LTBP2: variants seen among roughly 807,000 people sequenced by gnomAD.
The protein encoded by LTBP2 is latent transforming growth factor beta binding protein 2.
Under a neutral mutation model 210.6 loss-of-function variants are expected in LTBP2, and 103 were observed. That is an observed-to-expected ratio of 0.49 (90% CI 0.42 to 0.58). The LOEUF is 0.58. Among genes scored for constraint, LTBP2 ranks in the 20% least tolerant of loss-of-function variants. The probability of loss-of-function intolerance (pLI) is 0.00; values close to 1 mark genes in which losing one functional copy is unlikely to be tolerated. For missense variants in LTBP2, 2,313 were observed against 2,494.5 expected (o/e 0.93, Z 1.55); for synonymous variants, 1,007 against 1,015.0 (o/e 0.99, Z 0.15).
Position 74,611,746 on chromosome 14 carries a change from T to C in LTBP2, c.199A>G (p.Lys67Glu). The change falls in exon 1 of 36, where the codon AAG becomes GAG. Residue 67 changes from lysine (K) to glutamate (E), a missense_variant. By Grantham distance (56) the Lys-to-Glu change is moderately conservative. Transcript: ENST00000261978. ...GGSYPAAAAA[K>E]VYSLFREQDA... ...TGCTCCCGGAACAGACTGTACACCT[T>C]GGCTGCAGCCGCTGCCGGGTAGCTG... 1.2e-6 allele frequency: 2 copies of C among 1,605,690 alleles called. No individual in the cohort carries two copies. Among genetic ancestry groups the C allele is most frequent in the Non-Finnish European group, 1.7e-6 (2 of 1,179,104 alleles).
At chr14:74,572,369 G>T (rs1444874349) in intron 3 of LTBP2, among the ~76,000 whole-genome samples, 1 of 151,818 alleles carries the variant, frequency 6.6e-6, no homozygotes, top group African/African-American at 2.4e-5. Flanking sequence ...GCCATGACAG[G>T]GGGAGGAGGA....
At chr14:74,538,309 G>A (rs1209657900) in intron 8 of LTBP2, among the ~76,000 whole-genome samples, 1 of 151,952 alleles carries the variant, frequency 6.6e-6, no homozygotes, top group Non-Finnish European at 1.5e-5. Context: ...TTGGATCCTG[G>A]GGTACTTGGG....
intron 9 of LTBP2, 55 bp downstream of exon 9, chr14:74,535,871 T>A: frequency 6.7e-7 from 1 of 1,488,564 alleles, no homozygotes; most frequent in Non-Finnish European, 9.4e-7. Context: ...TCCTGTCTGG[T>A]GCTGGGAGTG....
intron 1 of LTBP2, 26 bp downstream of exon 1, chr14:74,611,425 T>A (rs2088605961): frequency 4.1e-6 from 6 of 1,470,072 alleles, no homozygotes; most frequent in African/African-American, 1.5e-5. Context: ...CTCTGTACCC[T>A]CCAAACTTCC....
Position 74,500,016 on chromosome 14 carries a change from T to G in LTBP2, c.*868A>C, listed in dbSNP as rs76333864. 2.2e-5 allele frequency: 5 copies of G among 232,020 alleles called. No individual in the cohort carries two copies. The East Asian group carries it at 3.0e-4, about 14-fold the overall frequency. The allele number at this position is 232,020 out of a possible 1,614,324, so 14.4% of individuals were successfully genotyped here. A position where few individuals can be genotyped will look rare whatever the true frequency, so the allele number is the denominator to read the frequency against. ...GAGATCCCAGAAGAGGTTTGTTTCC[T>G]GTAAGAAGCAGTGTTTATGTAATAG... On this transcript the variant is annotated 3_prime_UTR_variant, in exon 36 of 36. Coordinates refer to ENST00000261978, the MANE Select transcript of LTBP2 (RefSeq NM_000428.3).
chr14:74,504,897 G>A, intron 29 of LTBP2, 36 bp from the exon 30 acceptor site: 2 of 1,613,138 alleles, frequency 1.2e-6, no homozygotes, highest in Non-Finnish European at 1.7e-6. Context: ...GAGTGGGGAG[G>A]GCCCTGCCCC....
intron 1 of LTBP2, among the ~76,000 whole-genome samples, chr14:74,608,228 A>G (rs1224154980): frequency 6.6e-6 from 1 of 152,194 alleles, no homozygotes; most frequent in Middle Eastern, 3.2e-3. Context: ...CCAAAACTAG[A>G]CTATGTTATA....
At chr14:74,527,388 G>A (rs774855726) in intron 12 of LTBP2, 22 bp from the exon 13 acceptor site, 8 of 1,607,038 alleles carry the variant, frequency 5.0e-6, no homozygotes, top group Admixed American at 1.7e-5. Flanking sequence ...AGGTAACAGC[G>A]TGAGCTCAGG....
In LTBP2 at chr14:74,509,352, A is replaced by G; in HGVS notation, c.3289T>C (p.Cys1097Arg). The G allele has an allele frequency of 1.1e-5, 17 of 1,613,240 alleles. No individual in the cohort carries two copies. Among genetic ancestry groups the G allele is most frequent in the Non-Finnish European group, 1.4e-5 (17 of 1,179,942 alleles). ...GAGGGGCAGACTCCCGGGAAGGCAC[A>G]CTCATCTAGGTCTGCAGACAGACAG... ...DGTACEDLDE[C>R]AFPGVCPSGV... is the part of the protein sequence containing the mutation. The change falls in exon 22 of 36, where the codon TGT becomes CGT. Residue 1097 changes from cysteine to arginine, a missense_variant. By Grantham distance (180) the Cys-to-Arg change is radical (BLOSUM62 -3). Transcript: ENST00000261978.
At chr14:74,548,010 A>C (rs1277145266) in intron 8 of LTBP2, among the ~76,000 whole-genome samples, 1 of 151,986 alleles carries the variant, frequency 6.6e-6, no homozygotes, top group Non-Finnish European at 1.5e-5. Context: ...TTGGGTTGTT[A>C]AACTCTTCCC....
intron 32 of LTBP2, 21 bp downstream of exon 32, chr14:74,503,448 C>T (rs1325818213): frequency 1.4e-5 from 23 of 1,609,434 alleles, no homozygotes; most frequent in African/African-American, 2.7e-5. Flanking sequence ...CTCCTGCTCC[C>T]CCACGCTCAG....
intron 3 of LTBP2, among the ~76,000 whole-genome samples, chr14:74,559,199 A>G (rs2087763412): frequency 6.6e-6 from 1 of 152,218 alleles, no homozygotes; most frequent in South Asian, 2.1e-4. Flanking sequence ...TTTAAGGGAA[A>G]TAAAAAGACT....
chr14:74,594,695 C>T (rs1480814795), intron 2 of LTBP2, among the ~76,000 whole-genome samples: 1 of 152,200 alleles, frequency 6.6e-6, no homozygotes, highest in Non-Finnish European at 1.5e-5. Context: ...CACCTGTGGC[C>T]CTGAGCTGTT....
intron 35 of LTBP2, 82 bp from the exon 36 acceptor site, chr14:74,501,111 G>A: frequency 2.7e-6 from 4 of 1,485,272 alleles, no homozygotes; most frequent in Non-Finnish European, 3.7e-6. Context: ...AGTAAGCCCT[G>A]GCCACTGCCC....
At chr14:74,564,195 ATATT>A (rs2087853229) in intron 3 of LTBP2, among the ~76,000 whole-genome samples, 1 of 58,112 alleles carries the variant, frequency 1.7e-5, no homozygotes, top group African/African-American at 7.7e-5. Flanking sequence ...ATTTATATAT[ATATT>A]TATATATATT....
At chr14:74,532,308 C>A in intron 10 of LTBP2, 118 bp downstream of exon 10, 1 of 1,423,920 alleles carries the variant, frequency 7.0e-7, no homozygotes, top group Non-Finnish European at 9.7e-7. Flanking sequence ...GACACAGGCC[C>A]TGAGCATGGC....
intron 2 of LTBP2, among the ~76,000 whole-genome samples, chr14:74,593,518 C>T (rs921496241): frequency 6.6e-6 from 1 of 152,176 alleles, no homozygotes. Flanking sequence ...CAGCTGAGCA[C>T]CTGGACGTGG....
At chr14:74,530,925 A>G (rs1205324547) in intron 10 of LTBP2, among the ~76,000 whole-genome samples, 1 of 152,246 alleles carries the variant, frequency 6.6e-6, no homozygotes, top group Non-Finnish European at 1.5e-5. Flanking sequence ...GAGATTAAAT[A>G]GAGTGAGGTG....
intron 3 of LTBP2, among the ~76,000 whole-genome samples, chr14:74,568,714 AACTT>A (rs2087935370): frequency 6.6e-6 from 1 of 152,202 alleles, no homozygotes; most frequent in Admixed American, 6.5e-5. Context: ...GAAGCTAGGT[AACTT>A]ACTTAAGGTC....
Sources: allele counts gnomAD v4.1 joint callset (sites outside exome capture counted in the v4.1 genomes callset), GRCh38; gene constraint gnomAD v4.1.1; transcripts MANE v1.5; gene names NCBI Gene and HGNC (gene_info 2026-07-23, HGNC 2026-07-21).